ZNF318: variants seen among roughly 807,000 people sequenced by gnomAD.
The protein encoded by ZNF318 is endocrine regulator.
Under a neutral mutation model 124.2 loss-of-function variants are expected in ZNF318, and 51 were observed. The observed-to-expected ratio is 0.41, with a 90% CI of 0.33 to 0.52. The LOEUF (loss-of-function observed/expected upper bound fraction) is 0.52. Ranked by LOEUF, ZNF318 falls within the 20% of genes least tolerant of loss-of-function variation. The probability of loss-of-function intolerance (pLI) is 0.23; values close to 1 mark genes in which losing one functional copy is unlikely to be tolerated. For missense variants in ZNF318, 2,815 were observed against 2,811.2 expected, an observed-to-expected ratio of 1.00 and a Z score of -0.03; for synonymous variants, 1,090 against 1,040.7, an observed-to-expected ratio of 1.05 and a Z score of -0.91.
chr6:43,354,402 A>C (rs1292408231), intron 4 of ZNF318, among the ~76,000 whole-genome samples: 1 of 152,218 alleles, frequency 6.6e-6, no homozygotes, highest in East Asian at 1.9e-4. Context: ...CAGTGTTTGA[A>C]GACCATTAAC....
At chr6:43,361,188 A>G (rs1779677552) in intron 2 of ZNF318, among the ~76,000 whole-genome samples, 1 of 152,200 alleles carries the variant, frequency 6.6e-6, no homozygotes, top group Admixed American at 6.5e-5. Context: ...AAATGCCCCA[A>G]GAAAGCTGTT....
At chr6:43,364,231 C>T (rs1581652263) in intron 2 of ZNF318, 1 of 643,886 alleles carries the variant, frequency 1.6e-6, no homozygotes. Flanking sequence ...CTGACCACCT[C>T]ATCAAGACAC....
At chr6:43,351,057 A>G (rs1405934871) in intron 5 of ZNF318, among the ~76,000 whole-genome samples, 1 of 152,246 alleles carries the variant, frequency 6.6e-6, no homozygotes, top group Non-Finnish European at 1.5e-5. Context: ...GGGACAAATC[A>G]ACACCTGATA....
rs1295595746 is a variant in ZNF318, at chr6:43,369,371, T to C, written c.-6A>G. On this transcript the variant is annotated 5_prime_UTR_variant, in exon 1 of 10. Coordinates refer to ENST00000361428, the MANE Select transcript of ZNF318 (RefSeq NM_014345.3). ...CGAGCGCTGCTGCGGTACATGGTTCTTGCAGCGGCGGCCACGGCGACAGCT... is the reference window on the plus strand; with the variant it reads ...CGAGCGCTGCTGCGGTACATGGTTCCTGCAGCGGCGGCCACGGCGACAGCT... 4.8e-6 allele frequency: 6 copies of C among 1,255,422 alleles called. No individual in the cohort carries two copies. Among genetic ancestry groups the C allele is most frequent in the Non-Finnish European group, 6.0e-6 (6 of 994,082 alleles). 77.8% of individuals were successfully genotyped at this position (1,255,422 alleles called of 1,614,324 possible).
rs771493712 is a variant in ZNF318, at chr6:43,338,748, G to A, written c.5250C>T (p.His1750=). 4 of 1,613,994 alleles carry A rather than the reference G, an allele frequency of 2.5e-6. No individual in the cohort carries two copies. Among genetic ancestry groups the A allele is most frequent in the African/African-American group, 1.3e-5 (1 of 74,900 alleles). The change falls in exon 10 of 10, where the codon CAC becomes CAT. Residue 1750 remains histidine (H), a synonymous_variant. Transcript: ENST00000361428. The stretch of plus-strand genomic sequence containing the variant: ...TATCCTGGTTAACAGATTCTCTGAG[G>A]TGGATTTCTACCAACTTCTGAGATT... ...CKESQKLVEI[H]LRESVNQDKE... is the part of the protein sequence containing the mutation.
At chr6:43,362,760 T>A (rs1212553016) in intron 2 of ZNF318, among the ~76,000 whole-genome samples, 1 of 152,018 alleles carries the variant, frequency 6.6e-6, no homozygotes, top group Non-Finnish European at 1.5e-5. Flanking sequence ...CACCTCAGCC[T>A]CCCAAAGTGC....
In ZNF318 at chr6:43,352,616, A is replaced by G. The variant is rs983056404; in HGVS notation, c.2671-140T>C. 3 of 702,588 alleles carry G rather than the reference A, an allele frequency of 4.3e-6. No homozygotes were observed. In the African/African-American group the frequency reaches 5.4e-5, roughly 13 times the overall value. 43.5% of individuals were successfully genotyped at this position (702,588 alleles called of 1,614,324 possible). On this transcript the variant is annotated intron_variant, in intron 4 of 9. Coordinates refer to ENST00000361428, the MANE Select transcript of ZNF318 (RefSeq NM_014345.3). ...GCACACAGGCTCTGACCTTACTGTC[A>G]AAGTAATATTTCGTTCTAAGTTCCA...
intron 6 of ZNF318, 114 bp downstream of exon 6, chr6:43,348,210 A>G (rs1475779444): frequency 8.3e-6 from 9 of 1,086,692 alleles, no homozygotes; most frequent in South Asian, 6.2e-5. Context: ...ACTGTAAGAA[A>G]ATAATTAACA....
rs558162170 is a variant in ZNF318, at chr6:43,364,210, T to C, written c.548+1082A>G. ...AGACAGGATTCACCAAGTCTCCCTATCAGGAATTCACTGACCACCTCATCA... is the reference window on the plus strand; with the variant it reads ...AGACAGGATTCACCAAGTCTCCCTACCAGGAATTCACTGACCACCTCATCA... On this transcript the variant is annotated intron_variant, in intron 2 of 9. Coordinates refer to ENST00000361428, the MANE Select transcript of ZNF318 (RefSeq NM_014345.3). 39 of 712,264 alleles carry C rather than the reference T, an allele frequency of 5.5e-5. 1 individual carries two copies. In the East Asian group the frequency reaches 6.9e-4, roughly 13 times the overall value. 44.1% of individuals were successfully genotyped at this position (712,264 alleles called of 1,614,324 possible).
At chr6:43,350,630 C>G (rs189788934) in intron 5 of ZNF318, among the ~76,000 whole-genome samples, 15 of 151,974 alleles carry the variant, frequency 9.9e-5, no homozygotes, top group South Asian at 2.1e-4. Context: ...TTGAGACCAG[C>G]CTTGGCAACA....
chr6:43,368,864 C>A, intron 1 of ZNF318, 103 bp downstream of exon 1: 1 of 1,242,558 alleles, frequency 8.0e-7, no homozygotes, highest in Non-Finnish European at 1.0e-6. Context: ...GGAGGCTTCG[C>A]GCTTAGGACC....
rs368475526 is a variant in ZNF318 at position 43,355,539 on chromosome 6, T to C, written c.1795A>G (p.Ile599Val). Residue 599 changes from isoleucine (I) to valine (V), a missense_variant, in exon 4 of 10, where the codon ATA becomes GTA. By Grantham distance (29) the Ile-to-Val change is conservative (BLOSUM62 3). This residue lies in a region of ZNF318 where 1,377 missense variants were observed against 1,353.5 expected (regional missense o/e 1.02). Transcript: ENST00000361428. ...TCTGCTACTCCAATATCCAGCCCTATTGTCTTGAGCAAGTCATGGATCTTC... is the reference window on the plus strand; with the variant it reads ...TCTGCTACTCCAATATCCAGCCCTACTGTCTTGAGCAAGTCATGGATCTTC... ...YAKIHDLLKT[I>V]GLDIGVAEIS... The C allele has an allele frequency of 9.1e-5, 147 of 1,614,192 alleles. No homozygotes were observed. Among genetic ancestry groups the C allele is most frequent in the Non-Finnish European group, 1.2e-4 (138 of 1,180,034 alleles).
At position 43,369,402 on chromosome 6, in the gene ZNF318, C is replaced by A. The variant is rs1485685035; in HGVS notation, c.-37G>T. The A allele has an allele frequency of 1.4e-4, 165 of 1,185,692 alleles. No individual in the cohort carries two copies. The highest frequency in any genetic ancestry group is 1.7e-4 in the Non-Finnish European group (164 of 957,846). The allele number at this position is 1,185,692 out of a possible 1,614,324, so 73.4% of individuals were successfully genotyped here. ...CGGCGGCCACGGCGACAGCTCTGACCCGGGGGCGCCCTAGACGCAGGCTCG... is the reference window on the plus strand; with the variant it reads ...CGGCGGCCACGGCGACAGCTCTGACACGGGGGCGCCCTAGACGCAGGCTCG... On this transcript the variant is annotated 5_prime_UTR_variant, in exon 1 of 10. Coordinates refer to ENST00000361428, the MANE Select transcript of ZNF318 (RefSeq NM_014345.3).
In ZNF318 at chr6:43,339,155, T is replaced by C. The variant is rs751249218; in HGVS notation, c.4843A>G (p.Thr1615Ala). The C allele has an allele frequency of 1.5e-5, 24 of 1,614,052 alleles. No homozygotes were observed. The highest frequency in any genetic ancestry group is 1.8e-5 in the Non-Finnish European group (21 of 1,180,032). Residue 1615 changes from threonine to alanine, a missense_variant, in exon 10 of 10, where the codon ACT (threonine) becomes GCT (alanine). Thr to Ala is a moderately conservative substitution (Grantham distance 58). Coordinates refer to ENST00000361428, the MANE Select transcript of ZNF318 (RefSeq NM_014345.3). The surrounding 1 kb of genome is among the most constrained non-coding windows in gnomAD (Gnocchi z 4.2). The stretch of plus-strand genomic sequence containing the variant: ...GATGCACTGCTGTTCAAAGGAGAAG[T>C]AGAAGAGGTGTCTGAACTTTTGGTT... ...SRTKSSDTSSTSPLNSSASQE... is the reference protein window; with the variant it reads ...SRTKSSDTSSASPLNSSASQE...
In ZNF318 at chr6:43,339,920, G is replaced by A. The variant is rs1314511927; in HGVS notation, c.4078C>T (p.Arg1360Cys). The A allele has an allele frequency of 4.3e-6, 7 of 1,614,004 alleles. No individual in the cohort carries two copies. The highest frequency in any genetic ancestry group is 1.7e-5 in the Admixed American group (1 of 59,990). The change falls in exon 10 of 10, where the codon CGC becomes TGC. Residue 1360 changes from arginine to cysteine, a missense_variant. Physicochemically the swap from Arg to Cys is radical, Grantham distance 180 (BLOSUM62 -3). Around this residue, in one of 4 missense-constraint regions of ZNF318, gnomAD observed 500 missense variants for 605.2 expected, o/e 0.83. Transcript: ENST00000361428. This position sits in a 1 kb window ranked among gnomAD's most constrained non-coding sequence, Gnocchi z 4.2. The part of the protein sequence containing the change: ...PNLPIPSTVL[R>C]KSCSATMSKP... The stretch of plus-strand genomic sequence containing the variant: ...CTCATTGTGGCTGAACATGACTTGC[G>A]GAGTACTGTGGATGGAATAGGCAGG...
intron 6 of ZNF318, among the ~76,000 whole-genome samples, chr6:43,345,471 G>A (rs984926510): frequency 1.1e-4 from 17 of 152,232 alleles, no homozygotes; most frequent in Non-Finnish European, 1.6e-4. Context: ...TAACATATCC[G>A]TTAGTTTCAG....
At chr6:43,367,436 G>A (rs1779776598) in intron 1 of ZNF318, among the ~76,000 whole-genome samples, 1 of 152,242 alleles carries the variant, frequency 6.6e-6, no homozygotes, top group Non-Finnish European at 1.5e-5. Flanking sequence ...CAAGGGCGGA[G>A]TGTAAAGGAG....
chr6:43,355,704 C>T lies in ZNF318; in HGVS notation c.1630G>A (p.Glu544Lys), dbSNP rs766285901. 3.0e-5 allele frequency: 49 copies of T among 1,614,098 alleles called. No homozygotes were observed. Among genetic ancestry groups the T allele is most frequent in the Middle Eastern group, 1.6e-4 (1 of 6,084 alleles). Reference protein sequence around the residue: ...EEKFLYGDEEEDLKAESVPKP... With the variant: ...EEKFLYGDEEKDLKAESVPKP... ...GGTACGGATTCTGCCTTTAAATCCT[C>T]TTCTTCATCCCCATAGAGAAATTTC... Residue 544 changes from glutamate to lysine, a missense_variant, in exon 4 of 10, where the codon GAG (glutamate) becomes AAG (lysine). Around this residue, in one of 4 missense-constraint regions of ZNF318, gnomAD observed 1,377 missense variants for 1,353.5 expected, o/e 1.02. Coordinates refer to ENST00000361428, the MANE Select transcript of ZNF318 (RefSeq NM_014345.3).
chr6:43,341,858 CTGTTT>C (rs1222944182), intron 8 of ZNF318, among the ~76,000 whole-genome samples: 1 of 152,146 alleles, frequency 6.6e-6, no homozygotes, highest in Non-Finnish European at 1.5e-5. Flanking sequence ...AAAGACAATT[CTGTTT>C]TAAGTGACAT....
Sources: allele counts gnomAD v4.1 joint callset (sites outside exome capture counted in the v4.1 genomes callset), GRCh38; gene constraint gnomAD v4.1.1; regional missense constraint gnomAD v4.1.1; non-coding constraint Gnocchi (gnomAD v3.1); transcripts MANE v1.5; gene names NCBI Gene and HGNC (gene_info 2026-07-23, HGNC 2026-07-21).